Variants in GRHL2 observed in about 807,000 individuals in gnomAD.
The protein encoded by GRHL2 is grainyhead-like protein 2 homolog.
Under a neutral mutation model 83.8 loss-of-function variants are expected in GRHL2, and 21 were observed. The ratio of observed to expected loss-of-function variants is 0.25; its 90% confidence interval spans 0.18 to 0.36. The LOEUF (loss-of-function observed/expected upper bound fraction) is 0.36. Ranked by LOEUF, GRHL2 falls within the 10% of genes least tolerant of loss-of-function variation. GRHL2 has a pLI of 1.00. For missense variants in GRHL2, 623 were observed against 781.8 expected (o/e 0.80, Z 2.42); for synonymous variants, 280 against 278.9 (o/e 1.00, Z -0.04).
intron 2 of GRHL2, among the ~76,000 whole-genome samples, chr8:101,552,105 A>C (rs1177446826): frequency 6.6e-6 from 1 of 152,098 alleles, no homozygotes; most frequent in Non-Finnish European, 1.5e-5. Flanking sequence ...AAAGGGCATT[A>C]GGAGTTTTAA....
Position 101,557,226 on chromosome 8 carries a change from T to A in GRHL2, c.285-1193T>A, listed in dbSNP as rs867933951. Among the ~76,000 whole-genome samples the A allele has an allele frequency of 6.0e-3, 725 of 121,710 alleles. 2 individuals carry two copies. Among genetic ancestry groups the A allele is most frequent in the African/African-American group, 0.024 (683 of 28,196 alleles). The allele number at this position is 121,710 out of a possible 152,430, so 79.8% of individuals were successfully genotyped here. On this transcript the variant is annotated intron_variant, in intron 3 of 15. Coordinates refer to ENST00000646743, the MANE Select transcript of GRHL2 (RefSeq NM_024915.4). Reference sequence around the variant, plus strand: ...CACCCCTAACTGAATTAACAATACTTTTTTTTTTTTTTTTTTGAGACAGAG... The same window carrying A: ...CACCCCTAACTGAATTAACAATACTATTTTTTTTTTTTTTTTGAGACAGAG...
chr8:101,610,638 C>T (rs765746069), intron 8 of GRHL2, among the ~76,000 whole-genome samples: 6 of 150,908 alleles, frequency 4.0e-5, no homozygotes, highest in Non-Finnish European at 7.4e-5. Flanking sequence ...ACAGTACCAA[C>T]GTAGGGGCTG....
rs75611118 is a variant in GRHL2, at chr8:101,498,639, T to A, written c.20+5850T>A. 4.6e-3 allele frequency among the ~76,000 whole-genome samples: 698 copies of A among 152,326 alleles called. 6 individuals are homozygous for A. Among genetic ancestry groups the A allele is most frequent in the African/African-American group, 0.016 (658 of 41,568 alleles). On this transcript the variant is annotated intron_variant, in intron 1 of 15. Coordinates refer to ENST00000646743, the MANE Select transcript of GRHL2 (RefSeq NM_024915.4). ...CCTACAGCGAGGGTCTGTTTTAAAC[T>A]GACTGCAGGGTCTGGGCCATTCAAA...
Position 101,644,329 on chromosome 8 carries a change from C to T in GRHL2, c.1612+104C>T. The T allele has an allele frequency of 4.7e-6, 4 of 858,912 alleles. No individual in the cohort carries two copies. In the South Asian group the frequency reaches 5.7e-5, roughly 12 times the overall value. The allele number at this position is 858,912 out of a possible 1,614,324, so 53.2% of individuals were successfully genotyped here. ...CCAGGCCCCCATGGCTCTGTGCCAG[C>T]CTGGTGACTTTCTCTTCACACAGGA... On this transcript the variant is annotated intron_variant, in intron 13 of 15. Transcript: ENST00000646743.
downstream of GRHL2, among the ~76,000 whole-genome samples, chr8:101,671,512 A>G (rs926035866): frequency 3.9e-5 from 6 of 152,202 alleles, no homozygotes; most frequent in African/African-American, 1.4e-4. Context: ...CCCAGGCTTG[A>G]TTAGGCAAAC....
intron 8 of GRHL2, among the ~76,000 whole-genome samples, chr8:101,602,451 G>A (rs1046662570): frequency 6.6e-6 from 1 of 152,106 alleles, no homozygotes; most frequent in Non-Finnish European, 1.5e-5. Context: ...TGATATTTTG[G>A]TTTGTGTGGC....
chr8:101,625,013 A>G (rs1332378396), intron 9 of GRHL2, among the ~76,000 whole-genome samples: 3 of 152,150 alleles, frequency 2.0e-5, no homozygotes, highest in African/African-American at 4.8e-5. Context: ...AAATCAGCTT[A>G]TGTCTTTAAT....
chr8:101,671,032 A>AG (rs762335188), downstream of GRHL2, among the ~76,000 whole-genome samples: 3 of 152,156 alleles, frequency 2.0e-5, no homozygotes, highest in Non-Finnish European at 4.4e-5. Context: ...AAAGGCACCA[A>AG]GGGGGGTGGA....
Position 101,604,559 on chromosome 8 carries a change from A to G in GRHL2, c.1098+5408A>G, listed in dbSNP as rs76996434. On this transcript the variant is annotated intron_variant, in intron 8 of 15. Transcript: ENST00000646743. The stretch of plus-strand genomic sequence containing the variant: ...TACTTGAGCATTAAAGATGCTGCTT[A>G]GTGCTTTGTGCTGACTTTCAGGAAC... Among the ~76,000 whole-genome samples, 344 of 152,278 alleles carry G rather than the reference A, an allele frequency of 2.3e-3. 7 individuals are homozygous for G. In the East Asian group the frequency reaches 0.057, roughly 25 times the overall value.
chr8:101,492,921 GA>G lies in GRHL2; in HGVS notation c.20+133del, dbSNP rs1554579819. On this transcript the variant is annotated intron_variant, in intron 1 of 15. Transcript: ENST00000646743. Reference sequence around the variant, plus strand: ...TTCTTTTTTCTTTTTCTTTTTGGTGGATCCAGACTTTTCCGCATTATGTTTC... The same window carrying G: ...TTCTTTTTTCTTTTTCTTTTTGGTGGTCCAGACTTTTCCGCATTATGTTTC... The G allele has an allele frequency of 1.2e-5, 10 of 842,096 alleles. No homozygotes were observed. The South Asian group carries it at 1.4e-4, about 12-fold the overall frequency. 52.2% of individuals were successfully genotyped at this position (842,096 alleles called of 1,614,324 possible).
intron 7 of GRHL2, among the ~76,000 whole-genome samples, chr8:101,584,616 G>C (rs1399257001): frequency 6.6e-6 from 1 of 152,066 alleles, no homozygotes; most frequent in Admixed American, 6.6e-5. Context: ...TTTTTTATTT[G>C]AGTTTTTTAG....
chr8:101,621,096 C>T (rs1812956174), intron 9 of GRHL2, among the ~76,000 whole-genome samples: 1 of 152,114 alleles, frequency 6.6e-6, no homozygotes, highest in Non-Finnish European at 1.5e-5. Flanking sequence ...ACCAGATGGG[C>T]ATCCTGGGAG....
chr8:101,600,490 A>G (rs2130315161), intron 8 of GRHL2, among the ~76,000 whole-genome samples: 1 of 152,228 alleles, frequency 6.6e-6, no homozygotes, highest in Admixed American at 6.5e-5. Flanking sequence ...CCTTTCCCAC[A>G]TCCCTGCCTA....
chr8:101,651,881 T>TATC (rs1261934370), intron 14 of GRHL2, among the ~76,000 whole-genome samples: 1 of 152,174 alleles, frequency 6.6e-6, no homozygotes, highest in Non-Finnish European at 1.5e-5. Flanking sequence ...CAACACAGGC[T>TATC]ATCTCCTTGC....
At chr8:101,566,245 C>T (rs954545958) in intron 4 of GRHL2, among the ~76,000 whole-genome samples, 2 of 152,160 alleles carry the variant, frequency 1.3e-5, no homozygotes, top group Admixed American at 6.5e-5. Context: ...CTGGGATACA[C>T]ATTTTATACC....
chr8:101,675,779 C>T, the GRHL2 span, among the ~76,000 whole-genome samples: 27 of 152,058 alleles, frequency 1.8e-4, 1 homozygote, highest in South Asian at 4.2e-4. Context: ...AGAACAAAGC[C>T]GGAGGCATCA....
chr8:101,495,949 C>T (rs972014166), intron 1 of GRHL2, among the ~76,000 whole-genome samples: 2 of 152,090 alleles, frequency 1.3e-5, no homozygotes, highest in Non-Finnish European at 2.9e-5. Context: ...GAGTTCATGA[C>T]CAGCCTGATC....
chr8:101,530,823 T>G (rs369798656), intron 1 of GRHL2, among the ~76,000 whole-genome samples: 1 of 152,234 alleles, frequency 6.6e-6, no homozygotes, highest in African/African-American at 2.4e-5. Context: ...TCCTCTGTTA[T>G]ATTGGTCTTT....
chr8:101,492,879 A>G, intron 1 of GRHL2, 90 bp downstream of exon 1: 5 of 1,163,840 alleles, frequency 4.3e-6, no homozygotes, highest in South Asian at 1.2e-5. Flanking sequence ...TTAAGTTGCT[A>G]TTGTTGGTAT....
Sources: allele counts gnomAD v4.1 joint callset (sites outside exome capture counted in the v4.1 genomes callset), GRCh38; gene constraint gnomAD v4.1.1; transcripts MANE v1.5; gene names NCBI Gene and HGNC (gene_info 2026-07-23, HGNC 2026-07-21).